The following RPS29 variants were observed in gnomAD, a reference collection of about 807,000 sequenced individuals.
The protein encoded by RPS29 is small ribosomal subunit protein uS14.
For missense variants in RPS29, 60 were observed against 75.7 expected, an observed-to-expected ratio of 0.79 and a Z score of 0.77; for synonymous variants, 37 against 26.9, an observed-to-expected ratio of 1.37 and a Z score of -1.16.
At chr14:49,590,732 C>A (rs1048784274), upstream of RPS29, among the ~76,000 whole-genome samples, 2 of 151,482 alleles carry the variant, frequency 1.3e-5, no homozygotes, top group African/African-American at 4.9e-5. Flanking sequence ...ACTCTGTCAC[C>A]CAGGCTGGAG....
chr14:49,595,839 C>A (rs1270851377), intron 1 of RPS29, among the ~76,000 whole-genome samples: 2 of 151,964 alleles, frequency 1.3e-5, no homozygotes, highest in Non-Finnish European at 2.9e-5. Context: ...ATGGTGAAAC[C>A]CCGTCTGTAC....
At chr14:49,591,826 T>C (rs911016248) in intron 1 of RPS29, among the ~76,000 whole-genome samples, 2 of 150,642 alleles carry the variant, frequency 1.3e-5, no homozygotes, top group African/African-American at 4.9e-5. Flanking sequence ...TTCACCGTGT[T>C]AGCCAGGATG....
exon 1 of RPS29, chr14:49,598,657 T>C (rs766675526): frequency 5.3e-5 from 37 of 700,616 alleles, no homozygotes; most frequent in Admixed American, 4.0e-5. Context: ...GCGTAAAGCG[T>C]CAACAGCTGA....
chr14:49,585,885 C>G, intron 2 of RPS29, 65 bp downstream of exon 2: 1 of 1,265,176 alleles, frequency 7.9e-7, no homozygotes, highest in South Asian at 1.2e-5. Flanking sequence ...TTGTCTTTCG[C>G]GGAAAAAATA....
upstream of RPS29, chr14:49,586,572 A>C: frequency 1.8e-6 from 1 of 558,018 alleles, no homozygotes; most frequent in Non-Finnish European, 3.2e-6. Flanking sequence ...CTGCGCCGGT[A>C]TCCGACCGCC....
chr14:49,586,275 T>A lies in RPS29; in HGVS notation c.62+10A>T, dbSNP rs1198504692. On this transcript the variant is annotated intron_variant, in intron 1 of 2. Coordinates refer to ENST00000245458, the MANE Select transcript of RPS29 (RefSeq NM_001032.5). ...GCAACGCTTCCCCAAAATCACAAAC[T>A]ATTTCTCACCAAGAGCGAGAACCCT... is the stretch of plus-strand genomic sequence containing the variant. The A allele has an allele frequency of 6.2e-7, 1 of 1,613,334 alleles. No individual in the cohort carries two copies. The highest frequency in any genetic ancestry group is 2.2e-5 in the East Asian group (1 of 44,886).
At chr14:49,575,117 T>C (rs1270499137) in exon 3 of RPS29, 1 of 152,420 alleles carries the variant, frequency 6.6e-6, no homozygotes, top group Non-Finnish European at 1.5e-5. Flanking sequence ...CTCCGCTCAC[T>C]GCAAGCTCCG....
chr14:49,588,540 T>A (rs1229365060), upstream of RPS29, among the ~76,000 whole-genome samples: 2 of 152,162 alleles, frequency 1.3e-5, no homozygotes, highest in African/African-American at 2.4e-5. Context: ...TTTTTCCTTT[T>A]TTTTTGAGAC....
At chr14:49,577,824 G>A (rs906326705) in exon 3 of RPS29, 2 of 1,602,422 alleles carry the variant, frequency 1.2e-6, no homozygotes, top group African/African-American at 2.7e-5. Context: ...ACCTCCATAG[G>A]CAGTGCCAAG....
At chr14:49,585,012 T>C (rs1399092778) in intron 2 of RPS29, among the ~76,000 whole-genome samples, 1 of 152,218 alleles carries the variant, frequency 6.6e-6, no homozygotes, top group African/African-American at 2.4e-5. Flanking sequence ...CATTGTTTGC[T>C]GAATCTTAAC....
upstream of RPS29, among the ~76,000 whole-genome samples, chr14:49,590,968 G>A (rs1417359601): frequency 6.6e-6 from 1 of 152,028 alleles, no homozygotes; most frequent in Non-Finnish European, 1.5e-5. Context: ...GGGATTACAG[G>A]CATCAGCCAC....
At chr14:49,584,389 G>T (rs1452899477) in intron 2 of RPS29, among the ~76,000 whole-genome samples, 19 of 152,228 alleles carry the variant, frequency 1.2e-4, no homozygotes, top group Non-Finnish European at 1.3e-4. Context: ...AGCATATACT[G>T]ATGAAGTATT....
In RPS29 at chr14:49,586,026, C is replaced by G; in HGVS notation, c.86G>C (p.Gly29Ala). The G allele has an allele frequency of 6.2e-7, 1 of 1,614,012 alleles. No individual in the cohort carries two copies. The highest frequency in any genetic ancestry group is 8.5e-7 in the Non-Finnish European group (1 of 1,179,886). ...RSCRVCSNRH[G>A]LIRKYGLNMC... ...ATTGAGGCCATATTTCCGGATCAGA[C>G]CGTGCCGGTTTGAACAGACACGACT... Residue 29 changes from glycine (G) to alanine (A), a missense_variant, in exon 2 of 3, where the codon GGT becomes GCT. Coordinates refer to ENST00000245458, the MANE Select transcript of RPS29 (RefSeq NM_001032.5).
At chr14:49,579,840 G>A (rs1027162558), downstream of RPS29, among the ~76,000 whole-genome samples, 33 of 152,306 alleles carry the variant, frequency 2.2e-4, no homozygotes, top group African/African-American at 7.0e-4. Flanking sequence ...TAAGAGCATA[G>A]GCACTGATTT....
At chr14:49,582,555 T>C (rs1211129326), downstream of RPS29, among the ~76,000 whole-genome samples, 1 of 152,248 alleles carries the variant, frequency 6.6e-6, no homozygotes, top group Non-Finnish European at 1.5e-5. Context: ...TCTATCAGCA[T>C]ATAAATTCAA....
chr14:49,598,630 C>G (rs552048643), exon 1 of RPS29: 20 of 701,096 alleles, frequency 2.9e-5, no homozygotes, highest in South Asian at 1.9e-4. Flanking sequence ...AACAGCGGCC[C>G]GACGTGCGCC....
chr14:49,571,595 G>C (rs1881057321), exon 3 of RPS29: 1 of 152,168 alleles, frequency 6.6e-6, no homozygotes, highest in Non-Finnish European at 1.5e-5. Context: ...AGAGTAAGGG[G>C]TAGGGTGGAG....
downstream of RPS29, among the ~76,000 whole-genome samples, chr14:49,581,948 A>C (rs1163993564): frequency 1.4e-5 from 2 of 145,402 alleles, no homozygotes; most frequent in African/African-American, 5.2e-5. Flanking sequence ...CTTGAGCCCA[A>C]GAGGTTGAGG....
downstream of RPS29, among the ~76,000 whole-genome samples, chr14:49,582,922 CCA>C (rs1229080107): frequency 2.0e-5 from 3 of 152,210 alleles, no homozygotes; most frequent in Non-Finnish European, 2.9e-5. Flanking sequence ...CTGCTTTTCC[CCA>C]CAAATACGCA....
Sources: allele counts gnomAD v4.1 joint callset (sites outside exome capture counted in the v4.1 genomes callset), GRCh38; gene constraint gnomAD v4.1.1; transcripts MANE v1.5; gene names NCBI Gene and HGNC (gene_info 2026-07-23, HGNC 2026-07-21).